ATP2B4: variants seen among roughly 807,000 people sequenced by gnomAD.
ATP2B4 encodes the protein ATPase plasma membrane Ca2+ transporting 4, also known as plasma membrane calcium-transporting ATPase 4.
In ATP2B4, 39 loss-of-function variants were observed where a neutral mutation model predicts 110.3. The observed-to-expected ratio is 0.35, with a 90% CI of 0.27 to 0.46. ATP2B4 has a LOEUF of 0.46. Among genes scored for constraint, ATP2B4 ranks in the 20% least tolerant of loss-of-function variants. The pLI, the probability that ATP2B4 is intolerant of heterozygous loss-of-function variation, is 1.00. For synonymous variants in ATP2B4, 538 were observed against 571.7 expected (o/e 0.94, Z 0.84); for missense variants, 1,135 against 1,530.9 (o/e 0.74, Z 4.32).
chr1:203,691,758 T>G (rs945251786), intron 2 of ATP2B4, among the ~76,000 whole-genome samples: 10 of 152,328 alleles, frequency 6.6e-5, no homozygotes, highest in African/African-American at 2.2e-4. Context: ...TGCTGTATAC[T>G]CGGAAGAGTA....
At position 203,743,103 on chromosome 1, in the gene ATP2B4, G is replaced by A. The variant is rs1667025658; in HGVS notation, c.*3249G>A. 6.5e-6 allele frequency: 1 copy of A among 152,686 alleles called. No individual in the cohort carries two copies. The highest frequency in any genetic ancestry group is 1.9e-4 in the East Asian group (1 of 5,204). 9.5% of individuals were successfully genotyped at this position (152,686 alleles called of 1,614,324 possible). Reference sequence around the variant, plus strand: ...CACTTGTGGGTTCTTTAGGGTTTGAGTTTCTTCTTCCCCTTGAGCTTCAGA... The same window carrying A: ...CACTTGTGGGTTCTTTAGGGTTTGAATTTCTTCTTCCCCTTGAGCTTCAGA... On this transcript the variant is annotated 3_prime_UTR_variant, in exon 21 of 21. Transcript: ENST00000357681.
At chr1:203,644,185 G>A (rs968770862) in intron 1 of ATP2B4, among the ~76,000 whole-genome samples, 1 of 151,236 alleles carries the variant, frequency 6.6e-6, no homozygotes, top group Non-Finnish European at 1.5e-5. Context: ...TGGAGGCAGA[G>A]GTGGCAGTAA....
chr1:203,630,133 G>GT (rs1336113341), intron 1 of ATP2B4, among the ~76,000 whole-genome samples: 2 of 152,174 alleles, frequency 1.3e-5, no homozygotes, highest in African/African-American at 2.4e-5. Context: ...TGCCGAAGGT[G>GT]TGGGGGCTGG....
chr1:203,736,755 A>G (rs1446642976), intron 20 of ATP2B4, among the ~76,000 whole-genome samples: 6 of 152,136 alleles, frequency 3.9e-5, no homozygotes, highest in African/African-American at 1.4e-4. Flanking sequence ...TTGTCCCCAT[A>G]CACTGCTCAT....
At chr1:203,660,703 G>A (rs1283801675) in intron 1 of ATP2B4, among the ~76,000 whole-genome samples, 1 of 152,102 alleles carries the variant, frequency 6.6e-6, no homozygotes, top group African/African-American at 2.4e-5. Flanking sequence ...GGAGGCTGAG[G>A]CAGGAGAATT....
At chr1:203,659,766 A>G (rs1664276214) in intron 1 of ATP2B4, among the ~76,000 whole-genome samples, 1 of 152,174 alleles carries the variant, frequency 6.6e-6, no homozygotes, top group Admixed American at 6.6e-5. Flanking sequence ...CCTGGTTGGC[A>G]GGGTGAGACC....
intron 1 of ATP2B4, among the ~76,000 whole-genome samples, chr1:203,641,916 A>G (rs1663643479): frequency 6.6e-6 from 1 of 152,196 alleles, no homozygotes; most frequent in Admixed American, 6.5e-5. Context: ...TAAGTACTCA[A>G]TAAAAAGTTA....
At chr1:203,646,444 C>G (rs939940453) in intron 1 of ATP2B4, among the ~76,000 whole-genome samples, 1 of 151,914 alleles carries the variant, frequency 6.6e-6, no homozygotes, top group Non-Finnish European at 1.5e-5. Context: ...GAGAACCCAT[C>G]TCTAAAAAAT....
intron 20 of ATP2B4, among the ~76,000 whole-genome samples, chr1:203,736,989 G>T (rs1310974462): frequency 6.6e-6 from 1 of 152,164 alleles, no homozygotes; most frequent in East Asian, 1.9e-4. Context: ...CTTCCTTACA[G>T]GTGGCTGGTT....
chr1:203,628,223 C>T lies in ATP2B4; in HGVS notation c.-465+1004C>T, dbSNP rs189812682. ...TGCTCTCCCTTCTCTCTTTCTTTTA[C>T]ATACTTGGCTCGCTCTTGGTAGAGG... On this transcript the variant is annotated intron_variant, in intron 1 of 20. Transcript: ENST00000357681. Among the ~76,000 whole-genome samples, 76 of 152,250 alleles carry T rather than the reference C, an allele frequency of 5.0e-4. No homozygotes were observed. The South Asian group carries it at 6.8e-3, about 14-fold the overall frequency.
At chr1:203,657,757 G>A (rs1664206256) in intron 1 of ATP2B4, 1 of 678,874 alleles carries the variant, frequency 1.5e-6, no homozygotes. Context: ...TCGTTCTGTG[G>A]CATGGTGACA....
At chr1:203,738,203 C>T (rs1571784958) in intron 20 of ATP2B4, among the ~76,000 whole-genome samples, 1 of 152,026 alleles carries the variant, frequency 6.6e-6, no homozygotes, top group Admixed American at 6.6e-5. Context: ...GATCAGCCAC[C>T]TTCCAACAAC....
rs148075262 is a variant in ATP2B4 at position 203,671,855 on chromosome 1, G to A, written c.-464-10887G>A. Among the ~76,000 whole-genome samples, 15 of 152,332 alleles carry A rather than the reference G, an allele frequency of 9.8e-5. No individual in the cohort carries two copies. The East Asian group carries it at 2.9e-3, about 29-fold the overall frequency. ...GGAGGAAACACGTGTCTCCTCAGAGGTACCTCTAGAGGTTGTTCTCTGCAA... is the reference window on the plus strand; with the variant it reads ...GGAGGAAACACGTGTCTCCTCAGAGATACCTCTAGAGGTTGTTCTCTGCAA... On this transcript the variant is annotated intron_variant, in intron 1 of 20. Coordinates refer to ENST00000357681, the MANE Select transcript of ATP2B4 (RefSeq NM_001684.5).
chr1:203,720,061 C>G (rs1666276547), intron 15 of ATP2B4, among the ~76,000 whole-genome samples: 1 of 152,106 alleles, frequency 6.6e-6, no homozygotes, highest in African/African-American at 2.4e-5. Flanking sequence ...AAAGCAAGAC[C>G]TTGTCTCAAA....
intron 2 of ATP2B4, among the ~76,000 whole-genome samples, chr1:203,686,681 C>CT (rs1665192058): frequency 3.3e-5 from 1 of 30,424 alleles, no homozygotes; most frequent in Non-Finnish European, 7.0e-5. Context: ...TCTTTCTTTT[C>CT]TTTCTTTTTT....
intron 1 of ATP2B4, among the ~76,000 whole-genome samples, chr1:203,663,965 T>G (rs759251140): frequency 6.6e-5 from 10 of 152,160 alleles, no homozygotes; most frequent in Non-Finnish European, 1.0e-4. Context: ...TCTTCTAGGC[T>G]CTTCCTGTGG....
intron 1 of ATP2B4, among the ~76,000 whole-genome samples, chr1:203,673,864 C>T (rs1019676854): frequency 1.3e-5 from 2 of 152,146 alleles, no homozygotes; most frequent in Non-Finnish European, 2.9e-5. Flanking sequence ...TGGGAACAAC[C>T]AGGTCCCGAC....
intron 15 of ATP2B4, among the ~76,000 whole-genome samples, chr1:203,716,761 C>T (rs1666168567): frequency 6.9e-6 from 1 of 145,140 alleles, no homozygotes; most frequent in East Asian, 2.1e-4. Flanking sequence ...CTGTGATTTC[C>T]TTTAACGTAT....
chr1:203,715,762 A>G (rs1458604406), intron 15 of ATP2B4, among the ~76,000 whole-genome samples: 1 of 144,524 alleles, frequency 6.9e-6, no homozygotes, highest in Non-Finnish European at 1.5e-5. Flanking sequence ...ATGTTTTTAT[A>G]GTTTATTTGC....
Sources: gnomAD v4.1 joint callset for allele counts (sites outside exome capture counted in the v4.1 genomes callset) on GRCh38, gnomAD v4.1.1 for gene constraint, MANE v1.5 for transcripts, NCBI Gene and HGNC (gene_info 2026-07-23, HGNC 2026-07-21) for gene names.